The following DMGDH variants were observed in gnomAD, a reference collection of about 807,000 sequenced individuals.
DMGDH encodes dimethylglycine dehydrogenase, also known as dimethylglycine dehydrogenase, mitochondrial.
In DMGDH, 76 loss-of-function variants were observed where a neutral mutation model predicts 95.2. The observed-to-expected ratio is 0.80, with a 90% CI of 0.66 to 0.97. The LOEUF (loss-of-function observed/expected upper bound fraction) is 0.97. DMGDH is among the 50% of genes least tolerant of loss of function. The pLI is 0.00. For missense variants in DMGDH, 987 were observed against 1,055.0 expected (o/e 0.94, Z 0.89); for synonymous variants, 345 against 377.6 (o/e 0.91, Z 1.00).
intron 14 of DMGDH, among the ~76,000 whole-genome samples, chr5:79,022,424 G>A (rs1436882895): frequency 6.6e-6 from 1 of 152,146 alleles, no homozygotes; most frequent in African/African-American, 2.4e-5. Flanking sequence ...CTATTCACCT[G>A]TCTTGGAGAT....
At chr5:79,001,631 C>T (rs1174439325) in intron 15 of DMGDH, among the ~76,000 whole-genome samples, 1 of 152,200 alleles carries the variant, frequency 6.6e-6, no homozygotes, top group Middle Eastern at 3.2e-3. Context: ...CCCTGACTCA[C>T]TGGGTCAAAA....
At chr5:79,069,433 G>T in intron 1 of DMGDH, 87 bp downstream of exon 1, 1 of 678,826 alleles carries the variant, frequency 1.5e-6, no homozygotes, top group Non-Finnish European at 2.1e-6. Flanking sequence ...AGGCCAGAGC[G>T]CTCCTAACCC....
At position 78,998,159 on chromosome 5, in the gene DMGDH, T is replaced by C; in HGVS notation, c.2524A>G (p.Ile842Val). 6.2e-7 allele frequency: 1 copy of C among 1,614,270 alleles called. No homozygotes were observed. The highest frequency in any genetic ancestry group is 1.3e-5 in the African/African-American group (1 of 75,076). ...ELLGKNYPAV[I>V]IQEPLVLTEP... Reference sequence around the variant, plus strand: ...GTCAATACCAAAGGTTCTTGTATGATGACTGCTGGGTAATTTTTGCCTAAT... The same window carrying C: ...GTCAATACCAAAGGTTCTTGTATGACGACTGCTGGGTAATTTTTGCCTAAT... Residue 842 changes from isoleucine to valine, a missense_variant, in exon 16 of 16, where the codon ATC becomes GTC. Ile to Val is a conservative substitution (Grantham distance 29). Coordinates refer to ENST00000255189, the MANE Select transcript of DMGDH (RefSeq NM_013391.3).
intron 2 of DMGDH, among the ~76,000 whole-genome samples, chr5:79,059,407 C>A (rs1755131947): frequency 6.6e-6 from 1 of 152,226 alleles, no homozygotes; most frequent in African/African-American, 2.4e-5. Flanking sequence ...GACACCCCTT[C>A]CTCTACCTCA....
Position 79,021,808 on chromosome 5 carries a change from A to G in DMGDH, c.2250+2463T>C. On this transcript the variant is annotated intron_variant, in intron 14 of 15. Coordinates refer to ENST00000255189, the MANE Select transcript of DMGDH (RefSeq NM_013391.3). ...ATTCTTGGGCAGTCTTTCAAGTCTG[A>G]TAAGCCCACTGTGGAAAAGGACTTT... 9.1e-6 allele frequency: 9 copies of G among 989,310 alleles called. No individual in the cohort carries two copies. In the South Asian group the frequency reaches 1.3e-4, roughly 14 times the overall value. The allele number at this position is 989,310 out of a possible 1,614,324, so 61.3% of individuals were successfully genotyped here.
intron 7 of DMGDH, among the ~76,000 whole-genome samples, chr5:79,035,931 A>C (rs1319735137): frequency 1.3e-5 from 2 of 152,138 alleles, no homozygotes; most frequent in African/African-American, 4.8e-5. Flanking sequence ...CATGTTCTTG[A>C]TTTTAAAGTA....
In DMGDH at chr5:79,069,501, A is replaced by G; in HGVS notation, c.101+19T>C. The G allele has an allele frequency of 8.0e-7, 1 of 1,254,796 alleles. No individual in the cohort carries two copies. The highest frequency in any genetic ancestry group is 1.0e-6 in the Non-Finnish European group (1 of 998,680). The allele number at this position is 1,254,796 out of a possible 1,614,324, so 77.7% of individuals were successfully genotyped here. A position where few individuals can be genotyped will look rare whatever the true frequency, so the allele number is the denominator to read the frequency against. On this transcript the variant is annotated intron_variant, in intron 1 of 15. Transcript: ENST00000255189. ...CGCAGCCGCCCCGTCGCCTCTGAGC[A>G]GGACGGGGCCCCACTCACCCTTCCC...
At chr5:79,036,104 T>C (rs1754340349) in intron 7 of DMGDH, among the ~76,000 whole-genome samples, 2 of 152,240 alleles carry the variant, frequency 1.3e-5, no homozygotes, top group South Asian at 4.1e-4. Flanking sequence ...TCTTCTCCTG[T>C]GCACACTTTA....
rs376695732 is a variant in DMGDH at position 79,067,657 on chromosome 5, T to C, written c.101+1863A>G. Among the ~76,000 whole-genome samples, 4 of 152,214 alleles carry C rather than the reference T, an allele frequency of 2.6e-5. No individual in the cohort carries two copies. In the South Asian group the frequency reaches 6.2e-4, roughly 24 times the overall value. On this transcript the variant is annotated intron_variant, in intron 1 of 15. Transcript: ENST00000255189. ...ATTTCCTCGGCCCAGCATGCCATAA[T>C]AGGTTTCAGACTAGGTATAGTGTTT...
At chr5:79,010,949 C>A (rs553834288) in intron 14 of DMGDH, among the ~76,000 whole-genome samples, 29 of 152,260 alleles carry the variant, frequency 1.9e-4, no homozygotes, top group African/African-American at 6.7e-4. Flanking sequence ...TGAAAAGCTT[C>A]TCATTTAGAA....
At chr5:79,058,469 A>G (rs1024462506) in intron 2 of DMGDH, among the ~76,000 whole-genome samples, 2 of 152,216 alleles carry the variant, frequency 1.3e-5, no homozygotes, top group Non-Finnish European at 2.9e-5. Context: ...CTTATCACTC[A>G]GGATTTTATA....
intron 14 of DMGDH, among the ~76,000 whole-genome samples, chr5:79,011,958 T>C (rs555951056): frequency 7.2e-5 from 11 of 152,212 alleles, no homozygotes; most frequent in African/African-American, 2.2e-4. Flanking sequence ...TGATTACACC[T>C]CTGACCCCAA....
intron 14 of DMGDH, among the ~76,000 whole-genome samples, chr5:79,008,839 G>A (rs537828841): frequency 6.6e-6 from 1 of 152,184 alleles, no homozygotes; most frequent in Non-Finnish European, 1.5e-5. Context: ...AATTTCTTAT[G>A]CCCTTGCTGT....
At position 79,056,435 on chromosome 5, in the gene DMGDH, C is replaced by T. The variant is rs1383514173; in HGVS notation, c.277-527G>A. On this transcript the variant is annotated intron_variant, in intron 2 of 15. Transcript: ENST00000255189. Reference sequence around the variant, plus strand: ...GCGGGCACCTGTAATCCCAGCTACTCGGGAGGCTGAGGCAGCAGAATTGCT... The same window carrying T: ...GCGGGCACCTGTAATCCCAGCTACTTGGGAGGCTGAGGCAGCAGAATTGCT... Among the ~76,000 whole-genome samples the T allele has an allele frequency of 2.0e-5, 3 of 151,944 alleles. No individual in the cohort carries two copies. In the South Asian group the frequency reaches 6.2e-4, roughly 32 times the overall value.
At chr5:79,012,708 G>A (rs1753665815) in intron 14 of DMGDH, among the ~76,000 whole-genome samples, 1 of 152,264 alleles carries the variant, frequency 6.6e-6, no homozygotes, top group African/African-American at 2.4e-5. Flanking sequence ...TTAATATCAT[G>A]TGGAAGCTGC....
chr5:79,052,962 C>T (rs1754911497), intron 4 of DMGDH, among the ~76,000 whole-genome samples: 1 of 152,036 alleles, frequency 6.6e-6, no homozygotes, highest in South Asian at 2.1e-4. Flanking sequence ...CATGTGTTTC[C>T]CCAACAGCCC....
intron 9 of DMGDH, 94 bp downstream of exon 9, chr5:79,032,593 G>T: frequency 6.5e-7 from 1 of 1,529,168 alleles, no homozygotes; most frequent in Non-Finnish European, 9.1e-7. Flanking sequence ...GAACAGGGTG[G>T]AGCAATGGAG....
rs760626155 is a variant in DMGDH at position 79,056,294 on chromosome 5, T to A, written c.277-386A>T. 7.9e-5 allele frequency among the ~76,000 whole-genome samples: 12 copies of A among 152,140 alleles called. No individual in the cohort carries two copies. In the South Asian group the frequency reaches 1.4e-3, roughly 18 times the overall value. ...TTGGGAGGCCAAGGTGGGCAGATCA[T>A]GAGGTCAAGAGTTCGAGACCAGCCT... On this transcript the variant is annotated intron_variant, in intron 2 of 15. Coordinates refer to ENST00000255189, the MANE Select transcript of DMGDH (RefSeq NM_013391.3).
chr5:79,009,657 C>T lies in DMGDH; in HGVS notation c.2251-4250G>A, dbSNP rs375673908. 3.1e-4 allele frequency among the ~76,000 whole-genome samples: 47 copies of T among 152,204 alleles called. 1 individual carries two copies. Among genetic ancestry groups the T allele is most frequent in the Middle Eastern group, 3.4e-3 (1 of 294 alleles). On this transcript the variant is annotated intron_variant, in intron 14 of 15. Coordinates refer to ENST00000255189, the MANE Select transcript of DMGDH (RefSeq NM_013391.3). ...TTACAGGTTTACAGGTGTGAGCCAC[C>T]GCACCCAGCTGGAACACTTCAATAA...
Sources: allele counts gnomAD v4.1 joint callset (sites outside exome capture counted in the v4.1 genomes callset), GRCh38; gene constraint gnomAD v4.1.1; transcripts MANE v1.5; gene names NCBI Gene and HGNC (gene_info 2026-07-23, HGNC 2026-07-21).